SLC12A7: variants seen among roughly 807,000 people sequenced by gnomAD.
The protein encoded by SLC12A7 is K-Cl cotransporter 4.
Under a neutral mutation model 120.6 loss-of-function variants are expected in SLC12A7, and 100 were observed. The observed-to-expected ratio is 0.83, with a 90% CI of 0.71 to 0.98. The LOEUF (loss-of-function observed/expected upper bound fraction) is 0.98. Ranked by LOEUF, SLC12A7 falls within the 50% of genes least tolerant of loss-of-function variation. The pLI is 0.00. For missense variants in SLC12A7, 1,373 were observed against 1,548.1 expected (o/e 0.89, Z 1.90); for synonymous variants, 760 against 678.0 (o/e 1.12, Z -1.88).
In SLC12A7 at chr5:1,060,540, C is replaced by T. The variant is rs1012509660; in HGVS notation, c.2740-89G>A. ...AGCCCGGTACCCAGAGACCGAGCCG[C>T]CCTGAGCGGTGGGAAAGGCCACGCG... On this transcript the variant is annotated intron_variant, in intron 20 of 23. Coordinates refer to ENST00000264930, the MANE Select transcript of SLC12A7 (RefSeq NM_006598.3). 1.3e-5 allele frequency: 12 copies of T among 957,854 alleles called. 2 individuals carry two copies. In the South Asian group the frequency reaches 1.5e-4, roughly 12 times the overall value. The allele number at this position is 957,854 out of a possible 1,614,324, so 59.3% of individuals were successfully genotyped here. A position where few individuals can be genotyped will look rare whatever the true frequency, so the allele number is the denominator to read the frequency against.
Position 1,053,498 on chromosome 5 carries a change from G to C in SLC12A7, c.3027-16C>G. ...GGACTGGTCCCTGCAGGGGAGGTGG[G>C]CACGGTCAGCGGGCGGCGGGTGCAC... On this transcript the variant is annotated splice_polypyrimidine_tract_variant and intron_variant, in intron 22 of 23. Coordinates refer to ENST00000264930, the MANE Select transcript of SLC12A7 (RefSeq NM_006598.3). 1 of 1,611,500 alleles carries C rather than the reference G, an allele frequency of 6.2e-7. No homozygotes were observed. The highest frequency in any genetic ancestry group is 1.7e-5 in the Admixed American group (1 of 59,726).
At chr5:1,107,668 A>T (rs921107480) in intron 1 of SLC12A7, among the ~76,000 whole-genome samples, 1 of 152,136 alleles carries the variant, frequency 6.6e-6, no homozygotes, top group African/African-American at 2.4e-5. Context: ...CATCCAGACC[A>T]CGGGAGAGGC....
chr5:1,052,750 G>A (rs1471745587), intron 23 of SLC12A7, among the ~76,000 whole-genome samples: 3 of 152,186 alleles, frequency 2.0e-5, no homozygotes, highest in Non-Finnish European at 4.4e-5. Context: ...CCCAGCCACG[G>A]GACTGGGTCC....
At chr5:1,060,291 G>T in intron 21 of SLC12A7, 53 bp downstream of exon 21, 1 of 1,369,962 alleles carries the variant, frequency 7.3e-7, no homozygotes, top group Non-Finnish European at 1.0e-6. Context: ...ACTCGGCGAA[G>T]TCGGCTATAC....
At position 1,076,726 on chromosome 5, in the gene SLC12A7, G is replaced by A. The variant is rs565051637; in HGVS notation, c.1716C>T (p.Ala572=). The A allele has an allele frequency of 2.5e-6, 4 of 1,611,486 alleles. No individual in the cohort carries two copies. The African/African-American group carries it at 5.3e-5, about 21-fold the overall frequency. The change falls in exon 13 of 24, where the codon GCC becomes GCT. Residue 572 remains alanine, a synonymous_variant. Transcript: ENST00000264930. The part of the protein sequence containing the change: ...VLICETGILI[A]SLDSVAPILS... ...GGATCGGGGCCACGCTGTCCAGAGA[G>A]GCGATGAGGATGCCAGTCTCGCAGA...
At position 1,063,910 on chromosome 5, in the gene SLC12A7, C is replaced by T. The variant is rs911863394; in HGVS notation, c.2673G>A (p.Met891Ile). The change falls in exon 20 of 24, where the codon ATG becomes ATA. Residue 891 changes from methionine (M) to isoleucine (I), a missense_variant. Physicochemically the swap from Met to Ile is conservative, Grantham distance 10 (BLOSUM62 1). Coordinates refer to ENST00000264930, the MANE Select transcript of SLC12A7 (RefSeq NM_006598.3). ...VAQVDDNSIQMKKDLQMFLYH... is the reference protein window; with the variant it reads ...VAQVDDNSIQIKKDLQMFLYH... The stretch of plus-strand genomic sequence containing the variant: ...ACAAGAACATCTGCAGGTCCTTCTT[C>T]ATCTGGATGCTGTTGTCGTCCACCT... The T allele has an allele frequency of 6.2e-7, 1 of 1,612,218 alleles. No homozygotes were observed. The highest frequency in any genetic ancestry group is 1.3e-5 in the African/African-American group (1 of 74,736).
chr5:1,067,259 G>T (rs1014083561), intron 17 of SLC12A7, among the ~76,000 whole-genome samples: 5 of 152,238 alleles, frequency 3.3e-5, no homozygotes, highest in Non-Finnish European at 7.3e-5. Context: ...ACCCCCAAGG[G>T]GCACCAGCCA....
At chr5:1,122,709 ACGTC>A in the SLC12A7 span, among the ~76,000 whole-genome samples, 1 of 152,192 alleles carries the variant, frequency 6.6e-6, no homozygotes, top group African/African-American at 2.4e-5. Context: ...CCGCGGCATG[ACGTC>A]CACACAGCTC....
intron 2 of SLC12A7, 45 bp downstream of exon 2, chr5:1,094,109 A>C (rs1169225158): frequency 3.3e-6 from 5 of 1,534,362 alleles, no homozygotes; most frequent in Non-Finnish European, 4.5e-6. Context: ...TTTCCACATC[A>C]AAGCAACGGC....
intron 17 of SLC12A7, among the ~76,000 whole-genome samples, chr5:1,070,417 C>T (rs868194079): frequency 1.0e-3 from 3 of 3,002 alleles, no homozygotes; most frequent in African/African-American, 1.4e-3. Flanking sequence ...AGCACACGGG[C>T]ATCACACTTA....
At chr5:1,114,418 G>A (rs1369451838), upstream of SLC12A7, among the ~76,000 whole-genome samples, 2 of 152,182 alleles carry the variant, frequency 1.3e-5, no homozygotes, top group African/African-American at 2.4e-5. Context: ...GAGCCCAGAA[G>A]CCGCTGCAGG....
chr5:1,087,867 TATC>T (rs1462430747), intron 5 of SLC12A7, among the ~76,000 whole-genome samples: 3 of 152,262 alleles, frequency 2.0e-5, no homozygotes, highest in South Asian at 2.1e-4. Flanking sequence ...TACTAATTAA[TATC>T]ATCTCGGTTC....
chr5:1,084,023 TC>T, intron 7 of SLC12A7, 67 bp from the exon 8 acceptor site: 2 of 1,408,126 alleles, frequency 1.4e-6, no homozygotes, highest in Non-Finnish European at 9.8e-7. Flanking sequence ...CCCACCCAGC[TC>T]CCCCAACGGG....
At chr5:1,136,957 GACAC>G in the SLC12A7 span, among the ~76,000 whole-genome samples, 17 of 145,924 alleles carry the variant, frequency 1.2e-4, no homozygotes, top group Non-Finnish European at 3.0e-5. Flanking sequence ...ATACCACCAG[GACAC>G]ACACACATGT....
chr5:1,060,489 A>C (rs779882275), intron 20 of SLC12A7, 38 bp from the exon 21 acceptor site: 1 of 1,499,350 alleles, frequency 6.7e-7, no homozygotes. Flanking sequence ...CCCGGTGTGC[A>C]CAGAACCACG....
chr5:1,110,468 G>T (rs1379855445), intron 1 of SLC12A7, among the ~76,000 whole-genome samples: 1 of 152,242 alleles, frequency 6.6e-6, no homozygotes, highest in African/African-American at 2.4e-5. Flanking sequence ...GAAGAGACAA[G>T]AAAACGAACA....
intron 2 of SLC12A7, among the ~76,000 whole-genome samples, chr5:1,093,887 G>A (rs1268177491): frequency 6.6e-6 from 1 of 152,198 alleles, no homozygotes; most frequent in East Asian, 1.9e-4. Context: ...AGGGTGTCCA[G>A]CACTCAGCAG....
chr5:1,112,871 T>TGGGGGGGGGG, upstream of SLC12A7, among the ~76,000 whole-genome samples: 1 of 112,058 alleles, frequency 8.9e-6, no homozygotes, highest in South Asian at 3.6e-4. Flanking sequence ...GTAGAGGGAG[T>TGGGGGGGGGG]CCCCCCCCCC....
rs181017069 is a variant in SLC12A7 at position 1,062,978 on chromosome 5, C to G, written c.2739+866G>C. ...GTCAGAACCCACAAAGTCCCGGGAC[C>G]GCCAGCAGGACCGGAGGGGAAGGCA... On this transcript the variant is annotated intron_variant, in intron 20 of 23. Coordinates refer to ENST00000264930, the MANE Select transcript of SLC12A7 (RefSeq NM_006598.3). 456 of 153,584 alleles carry G rather than the reference C, an allele frequency of 3.0e-3. 2 individuals are homozygous for G. Among genetic ancestry groups the G allele is most frequent in the African/African-American group, 9.9e-3 (412 of 41,600 alleles). 9.5% of individuals were successfully genotyped at this position (153,584 alleles called of 1,614,324 possible).
Sources: gnomAD v4.1 joint callset for allele counts (sites outside exome capture counted in the v4.1 genomes callset) on GRCh38, gnomAD v4.1.1 for gene constraint, MANE v1.5 for transcripts, NCBI Gene and HGNC (gene_info 2026-07-23, HGNC 2026-07-21) for gene names.